The following RGS7 variants were observed in gnomAD, a reference collection of about 807,000 sequenced individuals.
RGS7 encodes regulator of G protein signaling 7, also known as regulator of G-protein signaling 7.
A neutral mutation model predicts 81.1 loss-of-function variants in RGS7; 27 were observed. The ratio of observed to expected loss-of-function variants is 0.33; its 90% confidence interval spans 0.25 to 0.46. RGS7 has a LOEUF of 0.46. Ranked by LOEUF, RGS7 falls within the 20% of genes least tolerant of loss-of-function variation. The probability of loss-of-function intolerance (pLI) is 1.00; values close to 1 mark genes in which losing one functional copy is unlikely to be tolerated. For synonymous variants in RGS7, 208 were observed against 207.7 expected (o/e 1.00, Z -0.01); for missense variants, 396 against 607.4 (o/e 0.65, Z 3.66).
intron 3 of RGS7, among the ~76,000 whole-genome samples, chr1:241,078,188 A>G (rs2062918619): frequency 6.7e-6 from 1 of 148,808 alleles, no homozygotes; most frequent in African/African-American, 2.4e-5. Context: ...AATAATATAT[A>G]TGTTGTTTAG....
intron 6 of RGS7, among the ~76,000 whole-genome samples, chr1:240,880,659 T>C (rs1666215336): frequency 6.6e-6 from 1 of 152,146 alleles, no homozygotes; most frequent in South Asian, 2.1e-4. Context: ...GGGGAAAGCC[T>C]TTCTGCCCTC....
intron 2 of RGS7, among the ~76,000 whole-genome samples, chr1:241,290,977 G>A (rs1206068029): frequency 5.3e-5 from 8 of 152,200 alleles, no homozygotes; most frequent in Admixed American, 5.2e-4. Flanking sequence ...CAGGCACACA[G>A]CCTATTGCAG....
intron 10 of RGS7, among the ~76,000 whole-genome samples, chr1:240,818,617 T>C (rs1440132886): frequency 1.3e-5 from 2 of 152,192 alleles, no homozygotes; most frequent in Non-Finnish European, 2.9e-5. Context: ...TCAGCCTTTA[T>C]AGAACAAGAA....
At chr1:240,972,848 CAAA>C (rs35291771) in intron 4 of RGS7, among the ~76,000 whole-genome samples, 117 of 74,974 alleles carry the variant, frequency 1.6e-3, no homozygotes, top group African/African-American at 5.4e-3. Flanking sequence ...CCCCGCCTCT[CAAA>C]AAAAAAAAAA....
chr1:240,991,449 C>T (rs1686445060), intron 3 of RGS7, among the ~76,000 whole-genome samples: 1 of 152,152 alleles, frequency 6.6e-6, no homozygotes, highest in African/African-American at 2.4e-5. Flanking sequence ...GAAGCTTTTC[C>T]CAAGTCGCAT....
intron 3 of RGS7, among the ~76,000 whole-genome samples, chr1:241,032,577 A>C (rs12078570): frequency 0.01 from 1,551 of 152,254 alleles, 24 homozygotes; most frequent in African/African-American, 0.035. Flanking sequence ...AAGTATGGTC[A>C]TTTAAACAAT....
At chr1:241,067,135 T>C (rs1024032207) in intron 3 of RGS7, among the ~76,000 whole-genome samples, 1 of 152,178 alleles carries the variant, frequency 6.6e-6, no homozygotes, top group African/African-American at 2.4e-5. Flanking sequence ...ATCTCTACTA[T>C]GTGTTTGGGG....
At position 241,163,356 on chromosome 1, in the gene RGS7, G is replaced by A. The variant is rs928689497; in HGVS notation, c.79-64594C>T. Among the ~76,000 whole-genome samples, 6 of 152,194 alleles carry A rather than the reference G, an allele frequency of 3.9e-5. No individual in the cohort carries two copies. Among genetic ancestry groups the A allele is most frequent in the Non-Finnish European group, 8.8e-5 (6 of 68,006 alleles). ...CAAAATATCTCAAAACATCCTTCTCGGACATATTTTGAGATGGATGTTCAG... is the reference window on the plus strand; with the variant it reads ...CAAAATATCTCAAAACATCCTTCTCAGACATATTTTGAGATGGATGTTCAG... On this transcript the variant is annotated intron_variant, in intron 2 of 18. Coordinates refer to ENST00000440928, the MANE Select transcript of RGS7 (RefSeq NM_001364886.1). This position sits in a 1 kb window ranked among gnomAD's most constrained non-coding sequence, Gnocchi z 4.6.
chr1:240,985,344 A>T (rs1685496113), intron 3 of RGS7, among the ~76,000 whole-genome samples: 1 of 152,228 alleles, frequency 6.6e-6, no homozygotes, highest in Non-Finnish European at 1.5e-5. Flanking sequence ...TCATTCCAGG[A>T]CTATACATAT....
Position 241,143,916 on chromosome 1 carries a change from C to T in RGS7, c.79-45154G>A, listed in dbSNP as rs115236535. ...TCCTTTCTGCCATGTGAAAATACAG[C>T]GAGAAGGAACCATCTGTGAACCAGA... On this transcript the variant is annotated intron_variant, in intron 2 of 18. Coordinates refer to ENST00000440928, the MANE Select transcript of RGS7 (RefSeq NM_001364886.1). Among the ~76,000 whole-genome samples, 912 of 152,110 alleles carry T rather than the reference C, an allele frequency of 6.0e-3. 15 individuals are homozygous for T. The highest frequency in any genetic ancestry group is 0.021 in the African/African-American group (874 of 41,502).
chr1:240,804,123 A>C (rs1043586609), intron 15 of RGS7, among the ~76,000 whole-genome samples: 12 of 152,172 alleles, frequency 7.9e-5, no homozygotes, highest in African/African-American at 2.7e-4. Flanking sequence ...TACCACTTAC[A>C]AATGGGATAA....
chr1:240,794,659 C>T (rs564608950), intron 18 of RGS7, among the ~76,000 whole-genome samples: 6 of 152,170 alleles, frequency 3.9e-5, no homozygotes, highest in Admixed American at 6.5e-5. Flanking sequence ...CCATCCCAAA[C>T]GTGCCAGGAA....
intron 2 of RGS7, among the ~76,000 whole-genome samples, chr1:241,187,500 G>A (rs2072233813): frequency 6.6e-6 from 1 of 152,086 alleles, no homozygotes; most frequent in Non-Finnish European, 1.5e-5. Flanking sequence ...TTATTTTGAG[G>A]AAAGAAGGCT....
rs115728805 is a variant in RGS7, at chr1:240,939,306, T to C, written c.227-2600A>G. Among the ~76,000 whole-genome samples the C allele has an allele frequency of 4.2e-3, 642 of 152,378 alleles. 3 individuals are homozygous for C. The highest frequency in any genetic ancestry group is 7.0e-3 in the South Asian group (34 of 4,830). On this transcript the variant is annotated intron_variant, in intron 4 of 18. Coordinates refer to ENST00000440928, the MANE Select transcript of RGS7 (RefSeq NM_001364886.1). ...GAAGTGATAGATATGTTAATTATTC[T>C]GATTTGATCATTGCACATTTCATGT...
chr1:241,146,560 T>A (rs1414592746), intron 2 of RGS7, among the ~76,000 whole-genome samples: 1 of 152,182 alleles, frequency 6.6e-6, no homozygotes, highest in African/African-American at 2.4e-5. Context: ...AAAACCTGAT[T>A]CTTTCACAAG....
chr1:241,042,471 TTAC>T (rs2060675641), intron 3 of RGS7, among the ~76,000 whole-genome samples: 1 of 152,182 alleles, frequency 6.6e-6, no homozygotes, highest in African/African-American at 2.4e-5. Context: ...CTTTTTTATT[TTAC>T]TAGTAGTCAC....
In RGS7 at chr1:240,832,062, A is replaced by T. The variant is rs1051310322; in HGVS notation, c.610-4890T>A. On this transcript the variant is annotated intron_variant, in intron 9 of 18. Transcript: ENST00000440928. ...GAGACCATGTTGTCTTTGGTTATTT[A>T]AAAAAAAGTCAATCATCTTTTTGAT... 3.3e-5 allele frequency among the ~76,000 whole-genome samples: 5 copies of T among 151,734 alleles called. No homozygotes were observed. The South Asian group carries it at 6.2e-4, about 19-fold the overall frequency.
chr1:241,304,478 T>C (rs2079966222), intron 2 of RGS7, among the ~76,000 whole-genome samples: 1 of 152,256 alleles, frequency 6.6e-6, no homozygotes, highest in Non-Finnish European at 1.5e-5. Context: ...CACTTGCAAG[T>C]GGCTCAGTAG....
At chr1:241,121,609 T>C (rs758083005) in intron 2 of RGS7, among the ~76,000 whole-genome samples, 1 of 151,748 alleles carries the variant, frequency 6.6e-6, no homozygotes, top group Non-Finnish European at 1.5e-5. Flanking sequence ...TAGGAGAATA[T>C]ACTGCTCTAA....
Sources: gnomAD v4.1 joint callset for allele counts (sites outside exome capture counted in the v4.1 genomes callset) on GRCh38, gnomAD v4.1.1 for gene constraint, Gnocchi (gnomAD v3.1) non-coding constraint, MANE v1.5 for transcripts, NCBI Gene and HGNC (gene_info 2026-07-23, HGNC 2026-07-21) for gene names.